Variants in NLK observed in about 807,000 individuals in gnomAD.
The protein encoded by NLK is nemo like kinase, also known as serine/threonine-protein kinase NLK.
Under a neutral mutation model 59.0 loss-of-function variants are expected in NLK, and 11 were observed. The ratio of observed to expected loss-of-function variants is 0.19; its 90% confidence interval spans 0.12 to 0.31. NLK has a LOEUF of 0.31. Ranked by LOEUF, NLK falls within the 10% of genes least tolerant of loss-of-function variation. The probability of loss-of-function intolerance (pLI) is 1.00; values close to 1 mark genes in which losing one functional copy is unlikely to be tolerated. For synonymous variants in NLK, 235 were observed against 235.9 expected (o/e 1.00, Z 0.03); for missense variants, 410 against 661.1 (o/e 0.62, Z 4.16).
In NLK at chr17:28,081,354, TA is replaced by T. The variant is rs1043875493; in HGVS notation, c.458+38035del. Among the ~76,000 whole-genome samples, 343 of 147,776 alleles carry T rather than the reference TA, an allele frequency of 2.3e-3. 9 individuals are homozygous for T. In the East Asian group the frequency reaches 0.044, roughly 19 times the overall value. On this transcript the variant is annotated intron_variant, in intron 1 of 10. Coordinates refer to ENST00000407008, the MANE Select transcript of NLK (RefSeq NM_016231.5). ...GTGTATGCCACATGCCCAGCTAATT[TA>T]AAAAAAAAAAATTTAATTTTTTTTA...
chr17:28,141,901 G>C (rs1907009497), intron 3 of NLK, among the ~76,000 whole-genome samples: 1 of 152,084 alleles, frequency 6.6e-6, no homozygotes, highest in African/African-American at 2.4e-5. Flanking sequence ...CAGTCACTTT[G>C]GCTTCTGTTC....
intron 2 of NLK, among the ~76,000 whole-genome samples, chr17:28,124,903 G>A (rs1461783493): frequency 6.6e-6 from 1 of 152,024 alleles, no homozygotes; most frequent in Non-Finnish European, 1.5e-5. Context: ...TAAAAAATTA[G>A]CTGGGTTTGG....
At chr17:28,199,665 C>CAAAAAAAAAAAAAAAAAAAAAA (rs1303411168), downstream of NLK, among the ~76,000 whole-genome samples, 28 of 33,502 alleles carry the variant, frequency 8.4e-4, no homozygotes, top group South Asian at 3.1e-3. Flanking sequence ...GACTCTGTCT[C>CAAAAAAAAAAAAAAAAAAAAAA]AAAAAAAAAA....
At chr17:28,133,744 A>G (rs1399823246) in intron 3 of NLK, among the ~76,000 whole-genome samples, 1 of 152,176 alleles carries the variant, frequency 6.6e-6, no homozygotes, top group Admixed American at 6.5e-5. Context: ...AGGCTTTTTT[A>G]TTAATACTTT....
intron 1 of NLK, among the ~76,000 whole-genome samples, chr17:28,059,609 T>C (rs139465420): frequency 2.6e-4 from 40 of 152,374 alleles, no homozygotes; most frequent in African/African-American, 9.4e-4. Context: ...CTAAGCTCTT[T>C]ATTCTGTTTT....
chr17:28,075,387 C>T (rs918449692), intron 1 of NLK, among the ~76,000 whole-genome samples: 1 of 152,332 alleles, frequency 6.6e-6, no homozygotes, highest in South Asian at 2.1e-4. Flanking sequence ...AGTAACCTTT[C>T]TCTACCCCTG....
At chr17:28,132,319 G>A (rs1189450890) in intron 2 of NLK, among the ~76,000 whole-genome samples, 1 of 152,176 alleles carries the variant, frequency 6.6e-6, no homozygotes, top group Non-Finnish European at 1.5e-5. Flanking sequence ...CACGCTCTTA[G>A]AGTAACATTG....
chr17:28,058,348 G>A (rs543897131), intron 1 of NLK, among the ~76,000 whole-genome samples: 47 of 152,176 alleles, frequency 3.1e-4, no homozygotes, highest in African/African-American at 9.4e-4. Context: ...GTCTCTGTAG[G>A]TGGGCAAACT....
At chr17:28,055,218 G>T (rs193240208) in intron 1 of NLK, among the ~76,000 whole-genome samples, 1 of 150,672 alleles carries the variant, frequency 6.6e-6, no homozygotes, top group Admixed American at 6.6e-5. Context: ...TCATCTTCCC[G>T]AGTAGCTGGG....
At chr17:28,135,391 C>T (rs1481445902) in intron 3 of NLK, among the ~76,000 whole-genome samples, 1 of 152,194 alleles carries the variant, frequency 6.6e-6, no homozygotes. Flanking sequence ...CTCCAGCCCT[C>T]CTTTTTCCCT....
intron 10 of NLK, among the ~76,000 whole-genome samples, chr17:28,193,609 G>A (rs1313973867): frequency 1.3e-5 from 2 of 152,178 alleles, no homozygotes; most frequent in African/African-American, 4.8e-5. Flanking sequence ...AGGACAAAGG[G>A]TGGATTCGGA....
At chr17:28,155,306 A>G (rs1907655910) in intron 3 of NLK, among the ~76,000 whole-genome samples, 1 of 152,160 alleles carries the variant, frequency 6.6e-6, no homozygotes, top group South Asian at 2.1e-4. Context: ...ATGTGGAGAA[A>G]TAGGAACGCT....
chr17:28,181,883 G>A (rs535212822), intron 7 of NLK, among the ~76,000 whole-genome samples: 2 of 152,248 alleles, frequency 1.3e-5, no homozygotes, highest in African/African-American at 4.8e-5. Flanking sequence ...GGTGGCGCAC[G>A]TCTGTAGTCC....
chr17:28,203,556 A>C, the NLK span, among the ~76,000 whole-genome samples: 2 of 151,764 alleles, frequency 1.3e-5, no homozygotes, highest in Non-Finnish European at 2.9e-5. Context: ...TTATTTTTTG[A>C]GATGGAGTCT....
At chr17:28,058,164 CAGTT>C (rs1470200196) in intron 1 of NLK, among the ~76,000 whole-genome samples, 2 of 152,170 alleles carry the variant, frequency 1.3e-5, no homozygotes, top group Non-Finnish European at 2.9e-5. Context: ...TGGCTTGTGA[CAGTT>C]AAGGAAGTAC....
At chr17:28,098,752 G>T (rs1277053593) in intron 1 of NLK, among the ~76,000 whole-genome samples, 2 of 140,298 alleles carry the variant, frequency 1.4e-5, no homozygotes, top group Admixed American at 7.8e-5. Flanking sequence ...GCGCCATCTC[G>T]GCTCACCACA....
chr17:28,182,070 G>T (rs1399706080), intron 7 of NLK, among the ~76,000 whole-genome samples: 1 of 152,110 alleles, frequency 6.6e-6, no homozygotes, highest in Non-Finnish European at 1.5e-5. Flanking sequence ...TCAGAAATCA[G>T]ATGGTCCAAC....
At chr17:28,076,659 G>A (rs913630049) in intron 1 of NLK, among the ~76,000 whole-genome samples, 1 of 152,100 alleles carries the variant, frequency 6.6e-6, no homozygotes, top group African/African-American at 2.4e-5. Flanking sequence ...TCCTGAGACT[G>A]GAGAAGGTAA....
chr17:28,045,428 A>G (rs542705128), intron 1 of NLK, among the ~76,000 whole-genome samples: 1 of 152,280 alleles, frequency 6.6e-6, no homozygotes, highest in African/African-American at 2.4e-5. Context: ...TCCAATATCA[A>G]GGTACAGGTT....
Sources: allele counts gnomAD v4.1 joint callset (sites outside exome capture counted in the v4.1 genomes callset), GRCh38; gene constraint gnomAD v4.1.1; transcripts MANE v1.5; gene names NCBI Gene and HGNC (gene_info 2026-07-23, HGNC 2026-07-21).